Variants in AP3B2 observed in about 807,000 individuals in gnomAD.
AP3B2 encodes adaptor related protein complex 3 subunit beta 2.
AP3B2 carries 50 observed loss-of-function variants against 126.9 expected under a neutral mutation model. That is an observed-to-expected ratio of 0.39 (90% CI 0.31 to 0.50). The LOEUF (loss-of-function observed/expected upper bound fraction) is 0.50. AP3B2 is among the 20% of genes least tolerant of loss of function. The pLI is 0.79. For synonymous variants in AP3B2, 541 were observed against 565.0 expected, an observed-to-expected ratio of 0.96 and a Z score of 0.60; for missense variants, 1,177 against 1,426.4, an observed-to-expected ratio of 0.83 and a Z score of 2.82.
At chr15:82,694,280 C>T (rs1315274320) in intron 1 of AP3B2, among the ~76,000 whole-genome samples, 2 of 150,784 alleles carry the variant, frequency 1.3e-5, no homozygotes, top group African/African-American at 4.9e-5. Context: ...GCTGGGATTA[C>T]AAGTGTGAGC....
rs551297551 is a variant in AP3B2 at position 82,696,219 on chromosome 15, C to A, written c.114-6766G>T. ...CTTCAACATATGCATTTTGGAGGGA[C>A]ACAATTCAGCCCATAATAGCAACAA... On this transcript the variant is annotated intron_variant, in intron 1 of 26. Transcript: ENST00000535359. Among the ~76,000 whole-genome samples, 3 of 152,202 alleles carry A rather than the reference C, an allele frequency of 2.0e-5. No individual in the cohort carries two copies. The South Asian group carries it at 6.2e-4, about 32-fold the overall frequency.
At position 82,681,331 on chromosome 15, in the gene AP3B2, G is replaced by A; in HGVS notation, c.521+89C>T. 5.8e-6 allele frequency: 9 copies of A among 1,565,184 alleles called. No homozygotes were observed. The highest frequency in any genetic ancestry group is 7.8e-6 in the Non-Finnish European group (9 of 1,149,784). On this transcript the variant is annotated intron_variant, in intron 5 of 26. Transcript: ENST00000535359. This position sits in a 1 kb window ranked among gnomAD's most constrained non-coding sequence, Gnocchi z 4.0. ...CTACCCTCCTCAAACCCTCTGAGAA[G>A]CAGCAGGCAAGACTTAGGAAAGGCC...
At chr15:82,694,103 A>C (rs2048594892) in intron 1 of AP3B2, among the ~76,000 whole-genome samples, 1 of 152,112 alleles carries the variant, frequency 6.6e-6, no homozygotes, top group South Asian at 2.1e-4. Context: ...TCCTGGGTTC[A>C]AGTGATTCTC....
chr15:82,685,480 G>A (rs1373258006), intron 4 of AP3B2: 1 of 152,182 alleles, frequency 6.6e-6, no homozygotes, highest in Non-Finnish European at 1.5e-5. Context: ...CCTCACAATT[G>A]CAGGTAAAAT....
In AP3B2 at chr15:82,659,468, A is replaced by T; in HGVS notation, c.*92T>A. 6.6e-7 allele frequency: 1 copy of T among 1,512,738 alleles called. No individual in the cohort carries two copies. Among genetic ancestry groups the T allele is most frequent in the Non-Finnish European group, 9.0e-7 (1 of 1,109,578 alleles). 93.7% of individuals were successfully genotyped at this position (1,512,738 alleles called of 1,614,324 possible). On this transcript the variant is annotated 3_prime_UTR_variant, in exon 27 of 27. Transcript: ENST00000535359. ...AATGCTATCTGGCATGAGGAGGATG[A>T]TGAGAGAGAGAGAGAAAGATGAGAG...
intron 1 of AP3B2, 137 bp from the exon 2 acceptor site, chr15:82,689,590 G>C: frequency 1.4e-6 from 1 of 701,038 alleles, no homozygotes; most frequent in Non-Finnish European, 2.5e-6. Flanking sequence ...ACCAGAGCCA[G>C]GGGGAACAAG....
chr15:82,662,400 T>G (rs1281236901), intron 23 of AP3B2, 148 bp from the exon 24 acceptor site: 1 of 707,632 alleles, frequency 1.4e-6, no homozygotes, highest in Non-Finnish European at 2.4e-6. Context: ...TGGAGACTGT[T>G]CCCGGTTTCC....
At position 82,700,397 on chromosome 15, in the gene AP3B2, C is replaced by CTTTTTTTTTTTTTTTTTTTTTTTTTTT. The variant is rs1226910164; in HGVS notation, c.113+9196_113+9197insAAAAAAAAAAAAAAAAAAAAAAAAAAA. Among the ~76,000 whole-genome samples, 13 of 35,096 alleles carry CTTTTTTTTTTTTTTTTTTTTTTTTTTT rather than the reference C, an allele frequency of 3.7e-4. 5 individuals carry two copies. Among genetic ancestry groups the CTTTTTTTTTTTTTTTTTTTTTTTTTTT allele is most frequent in the Non-Finnish European group, 5.1e-4 (10 of 19,536 alleles). The allele number at this position is 35,096 out of a possible 152,430, so 23.0% of individuals were successfully genotyped here. On this transcript the variant is annotated intron_variant, in intron 1 of 26. Coordinates refer to ENST00000535359, the MANE Select transcript of AP3B2 (RefSeq NM_001278512.2). ...CCACTGGCCTGCCAGTGGTGGGTGG[C>CTTTTTTTTTTTTTTTTTTTTTTTTTTT]TTTTTTTTTTTTTTTTTTCAGATGG...
intron 25 of AP3B2, among the ~76,000 whole-genome samples, chr15:82,661,297 C>T (rs1029110127): frequency 4.6e-5 from 7 of 152,150 alleles, no homozygotes; most frequent in Non-Finnish European, 1.0e-4. Flanking sequence ...ATAGCTCCTC[C>T]TGAATTTCCC....
Position 82,659,564 on chromosome 15 carries a change from T to C in AP3B2, c.3302A>G (p.Gln1101Arg), listed in dbSNP as rs570447805. Residue 1101 changes from glutamine to arginine, a missense_variant, in exon 27 of 27, where the codon CAG (glutamine) becomes CGG (arginine). By Grantham distance (43) the Gln-to-Arg change is conservative. Transcript: ENST00000535359. ...LVKDVIQALT[Q>R] ...ACAGGTCACAGCATTTGGAAGTCAC[T>C]GGGTCAGAGCCTGTATCACATCCTT... is the stretch of plus-strand genomic sequence containing the variant. 1.2e-6 allele frequency: 2 copies of C among 1,613,728 alleles called. No homozygotes were observed.
chr15:82,680,113 G>C lies in AP3B2; in HGVS notation c.1110+62C>G, dbSNP rs937186259. The stretch of plus-strand genomic sequence containing the variant: ...CGGCCCCGGTCCCAGCCCCGACAAC[G>C]CCTCCAGTGCCCGCAGAAGCGGCCC... On this transcript the variant is annotated intron_variant, in intron 9 of 26. Coordinates refer to ENST00000535359, the MANE Select transcript of AP3B2 (RefSeq NM_001278512.2). The surrounding 1 kb of genome is among the most constrained non-coding windows in gnomAD (Gnocchi z 6.1). 2.5e-6 allele frequency: 4 copies of C among 1,601,898 alleles called. No homozygotes were observed. In the African/African-American group the frequency reaches 5.4e-5, roughly 21 times the overall value.
At position 82,659,330 on chromosome 15, in the gene AP3B2, C is replaced by A. The variant is rs1486830494; in HGVS notation, c.*230G>T. 2 of 498,894 alleles carry A rather than the reference C, an allele frequency of 4.0e-6. No homozygotes were observed. The highest frequency in any genetic ancestry group is 6.3e-5 in the East Asian group (2 of 31,530). The allele number at this position is 498,894 out of a possible 1,614,324, so 30.9% of individuals were successfully genotyped here. ...CTGCTACATAAATAGCTACAGAAAT[C>A]TGGGAGGACTGAAGGGAGTGGCTGC... On this transcript the variant is annotated 3_prime_UTR_variant, in exon 27 of 27. Transcript: ENST00000535359.
chr15:82,709,713 GC>G lies in AP3B2; in HGVS notation c.-8del. 3.4e-6 allele frequency: 5 copies of G among 1,472,552 alleles called. No individual in the cohort carries two copies. Among genetic ancestry groups the G allele is most frequent in the Non-Finnish European group, 4.5e-6 (5 of 1,111,772 alleles). The allele number at this position is 1,472,552 out of a possible 1,614,324, so 91.2% of individuals were successfully genotyped here. A position where few individuals can be genotyped will look rare whatever the true frequency, so the allele number is the denominator to read the frequency against. On this transcript the variant is annotated 5_prime_UTR_variant, in exon 1 of 27. Coordinates refer to ENST00000535359, the MANE Select transcript of AP3B2 (RefSeq NM_001278512.2). ...AGGCGGGGGCGGCCGACATGGGGCGGCCAGGGAGACTTCGCCGAGGAGGAGG... is the reference window on the plus strand; with the variant it reads ...AGGCGGGGGCGGCCGACATGGGGCGGCAGGGAGACTTCGCCGAGGAGGAGG...
chr15:82,674,246 T>G (rs1004293897), intron 14 of AP3B2, among the ~76,000 whole-genome samples: 37 of 152,298 alleles, frequency 2.4e-4, no homozygotes, highest in African/African-American at 8.2e-4. Context: ...CACTACTGTT[T>G]TGCAAGCATG....
At chr15:82,674,242 T>G (rs2151436606) in intron 14 of AP3B2, among the ~76,000 whole-genome samples, 1 of 152,336 alleles carries the variant, frequency 6.6e-6, no homozygotes, top group East Asian at 1.9e-4. Flanking sequence ...GCATCACTAC[T>G]GTTTTGCAAG....
chr15:82,692,165 A>G (rs2048546757), intron 1 of AP3B2: 3 of 1,478,952 alleles, frequency 2.0e-6, no homozygotes, highest in Non-Finnish European at 2.8e-6. Context: ...AATCATAACT[A>G]TTTCTTCCAT....
chr15:82,706,551 A>T (rs1340743609), intron 1 of AP3B2, among the ~76,000 whole-genome samples: 8 of 152,144 alleles, frequency 5.3e-5, no homozygotes, highest in Non-Finnish European at 7.4e-5. Flanking sequence ...TAAGGTAGCT[A>T]AAAAAGCAGC....
chr15:82,664,697 A>G lies in AP3B2; in HGVS notation c.2137+138T>C. 2 of 874,092 alleles carry G rather than the reference A, an allele frequency of 2.3e-6. No homozygotes were observed. Among genetic ancestry groups the G allele is most frequent in the Non-Finnish European group, 1.8e-6 (1 of 568,034 alleles). 54.1% of individuals were successfully genotyped at this position (874,092 alleles called of 1,614,324 possible). A position where few individuals can be genotyped will look rare whatever the true frequency, so the allele number is the denominator to read the frequency against. ...CACAAGCACACACACCTGGAACATGAATCCCTCAGGTGCACAAACAATTCA... is the reference window on the plus strand; with the variant it reads ...CACAAGCACACACACCTGGAACATGGATCCCTCAGGTGCACAAACAATTCA... On this transcript the variant is annotated intron_variant, in intron 18 of 26. Transcript: ENST00000535359. The surrounding 1 kb of genome is among the most constrained non-coding windows in gnomAD (Gnocchi z 4.5).
At chr15:82,706,316 G>A (rs907783491) in intron 1 of AP3B2, among the ~76,000 whole-genome samples, 12 of 152,120 alleles carry the variant, frequency 7.9e-5, no homozygotes, top group Non-Finnish European at 1.6e-4. Flanking sequence ...AGGACTATGT[G>A]TCAATATTTA....
Sources: gnomAD v4.1 joint callset for allele counts (sites outside exome capture counted in the v4.1 genomes callset) on GRCh38, gnomAD v4.1.1 for gene constraint, Gnocchi (gnomAD v3.1) non-coding constraint, MANE v1.5 for transcripts, NCBI Gene and HGNC (gene_info 2026-07-23, HGNC 2026-07-21) for gene names.